C2orf72: variants seen among roughly 807,000 people sequenced by gnomAD.
C2orf72 encodes the protein chromosome 2 open reading frame 72.
C2orf72 carries 16 observed loss-of-function variants against 14.4 expected under a neutral mutation model. The ratio of observed to expected loss-of-function variants is 1.11; its 90% CI spans 0.75 to 1.69. C2orf72 has a LOEUF of 1.69. C2orf72 is among the 40% of genes most tolerant of loss of function. C2orf72 has a pLI of 0.00. For synonymous variants in C2orf72, 168 were observed against 176.8 expected (o/e 0.95, Z 0.40); for missense variants, 371 against 358.3 (o/e 1.04, Z -0.29).
At chr2:231,040,754 G>C (rs1387548319) in intron 1 of C2orf72, among the ~76,000 whole-genome samples, 1 of 152,178 alleles carries the variant, frequency 6.6e-6, no homozygotes, top group African/African-American at 2.4e-5. Context: ...AAAAACTAAG[G>C]ATACAGTCTC....
chr2:231,040,758 CAG>C (rs1693330216), intron 1 of C2orf72, among the ~76,000 whole-genome samples: 1 of 152,232 alleles, frequency 6.6e-6, no homozygotes, highest in East Asian at 1.9e-4. Flanking sequence ...ACTAAGGATA[CAG>C]TCTCTTTACC....
At chr2:231,044,688 T>TG (rs1693387827) in intron 2 of C2orf72, among the ~76,000 whole-genome samples, 1 of 146,150 alleles carries the variant, frequency 6.8e-6, no homozygotes, top group African/African-American at 2.5e-5. Context: ...TTTTTTTTTT[T>TG]GCTAAAAACT....
chr2:231,042,006 T>C (rs758746732), intron 2 of C2orf72, among the ~76,000 whole-genome samples: 20 of 151,688 alleles, frequency 1.3e-4, no homozygotes, highest in Non-Finnish European at 2.8e-4. Flanking sequence ...AGCAGAGAGA[T>C]TGGGGTGTGT....
At chr2:231,041,903 C>T (rs1693347705) in intron 2 of C2orf72, among the ~76,000 whole-genome samples, 5 of 151,982 alleles carry the variant, frequency 3.3e-5, no homozygotes, top group Admixed American at 1.3e-4. Flanking sequence ...CAGAAGGAAA[C>T]CAGTGAGGGC....
chr2:231,045,474 T>C (rs1382664212), intron 2 of C2orf72, among the ~76,000 whole-genome samples: 1 of 151,530 alleles, frequency 6.6e-6, no homozygotes, highest in East Asian at 1.9e-4. Flanking sequence ...ACTACAAGGT[T>C]ACTAGGTGAC....
intron 1 of C2orf72, among the ~76,000 whole-genome samples, chr2:231,040,664 A>G (rs1341071418): frequency 6.6e-6 from 1 of 152,234 alleles, no homozygotes; most frequent in South Asian, 2.1e-4. Context: ...TCTGATGATA[A>G]TTCTTATTCT....
intron 2 of C2orf72, among the ~76,000 whole-genome samples, chr2:231,044,339 T>G (rs1402202991): frequency 6.6e-6 from 1 of 152,248 alleles, no homozygotes; most frequent in Non-Finnish European, 1.5e-5. Flanking sequence ...ACTTTTTTAC[T>G]TTATAAGCTT....
chr2:231,049,197 G>A lies in C2orf72; in HGVS notation c.*2176G>A, dbSNP rs574666982. 1 of 152,072 alleles carries A rather than the reference G, an allele frequency of 6.6e-6. No homozygotes were observed. The highest frequency in any genetic ancestry group is 1.9e-4 in the East Asian group (1 of 5,162). The allele number at this position is 152,072 out of a possible 1,614,324, so 9.4% of individuals were successfully genotyped here. The stretch of plus-strand genomic sequence containing the variant: ...CGTCTGCCCGGTGCTGGTCCAGGCG[G>A]GCATGTGAGTTTGTAGCCTCTGCTC... On this transcript the variant is annotated 3_prime_UTR_variant, in exon 3 of 3. Transcript: ENST00000373640.
chr2:231,041,322 C>T lies in C2orf72; in HGVS notation c.661C>T (p.Leu221Phe). 1 of 1,551,348 alleles carries T rather than the reference C, an allele frequency of 6.4e-7. No individual in the cohort carries two copies. The highest frequency in any genetic ancestry group is 8.7e-7 in the Non-Finnish European group (1 of 1,146,822). The change falls in exon 2 of 3, where the codon CTC becomes TTC. Residue 221 changes from leucine (L) to phenylalanine (F), a missense_variant. This residue lies in a region of C2orf72 where 145 missense variants were observed against 149.4 expected (regional missense o/e 0.97). Coordinates refer to ENST00000373640, the MANE Select transcript of C2orf72 (RefSeq NM_001144994.2). ...GGAAGGAGCCTGGGAGAGGCCAGGC[C>T]TCCCCGGACTGCTAGCCTGCTTTTC... ...PVEGAWERPGLPGLLACFSWG... is the reference protein window; with the variant it reads ...PVEGAWERPGFPGLLACFSWG...
At chr2:231,038,318 G>A in intron 1 of C2orf72, 119 bp downstream of exon 1, 1 of 838,288 alleles carries the variant, frequency 1.2e-6, no homozygotes, top group Non-Finnish European at 1.5e-6. Context: ...GCTCAGAGCA[G>A]GGAGGTGCCT....
At chr2:231,041,232 A>G (rs1693335874) in intron 1 of C2orf72, 64 bp from the exon 2 acceptor site, 1 of 1,176,212 alleles carries the variant, frequency 8.5e-7, no homozygotes, top group Admixed American at 2.8e-5. Flanking sequence ...GCTAAACGAA[A>G]TCTCTCAGTC....
chr2:231,044,473 A>C (rs1559209829), intron 2 of C2orf72, among the ~76,000 whole-genome samples: 1 of 152,182 alleles, frequency 6.6e-6, no homozygotes, highest in African/African-American at 2.4e-5. Context: ...CTGCCATTGC[A>C]CTGCAGCCTG....
At chr2:231,039,233 T>G (rs1693306671) in intron 1 of C2orf72, among the ~76,000 whole-genome samples, 1 of 150,162 alleles carries the variant, frequency 6.7e-6, no homozygotes, top group South Asian at 2.1e-4. Flanking sequence ...AAATGACGAG[T>G]TAATGGGTGC....
intron 2 of C2orf72, among the ~76,000 whole-genome samples, chr2:231,042,238 G>A (rs1184233105): frequency 2.0e-5 from 3 of 152,128 alleles, no homozygotes; most frequent in Non-Finnish European, 4.4e-5. Flanking sequence ...TGTCAATGCT[G>A]ATGTTAGAGA....
At chr2:231,043,692 G>A (rs1273292031) in intron 2 of C2orf72, among the ~76,000 whole-genome samples, 1 of 152,118 alleles carries the variant, frequency 6.6e-6, no homozygotes, top group Admixed American at 6.5e-5. Context: ...ATAAATCTTG[G>A]ATAATTTCTC....
Position 231,037,693 on chromosome 2 carries a change from A to T in C2orf72, c.128A>T (p.Glu43Val). 9.4e-7 allele frequency: 1 copy of T among 1,066,368 alleles called. No homozygotes were observed. The highest frequency in any genetic ancestry group is 1.1e-6 in the Non-Finnish European group (1 of 882,630). 66.1% of individuals were successfully genotyped at this position (1,066,368 alleles called of 1,614,324 possible). The change falls in exon 1 of 3, where the codon GAA (glutamate) becomes GTA (valine). Residue 43 changes from glutamate to valine, a missense_variant. This residue lies in a region of C2orf72 where 214 missense variants were observed against 178.7 expected (regional missense o/e 1.20). Coordinates refer to ENST00000373640, the MANE Select transcript of C2orf72 (RefSeq NM_001144994.2). The stretch of plus-strand genomic sequence containing the variant: ...CTGGTGGGCGAGCTGTGGGAGCGCG[A>T]ACAGAGCCGCGCGCTGCTGCGGGAC... The part of the protein sequence containing the change: ...VLLVGELWER[E>V]QSRALLRDFA...
rs551844605 is a variant in C2orf72 at position 231,041,765 on chromosome 2, C to A, written c.748+356C>A. ...TATCCTAGAGCAAGTGATATTTGATCCGGGGATGGAGGGATTTTCGTAGGC... is the reference window on the plus strand; with the variant it reads ...TATCCTAGAGCAAGTGATATTTGATACGGGGATGGAGGGATTTTCGTAGGC... On this transcript the variant is annotated intron_variant, in intron 2 of 2. Coordinates refer to ENST00000373640, the MANE Select transcript of C2orf72 (RefSeq NM_001144994.2). 2.6e-5 allele frequency among the ~76,000 whole-genome samples: 4 copies of A among 151,926 alleles called. No homozygotes were observed. The East Asian group carries it at 7.8e-4, about 29-fold the overall frequency.
intron 1 of C2orf72, among the ~76,000 whole-genome samples, chr2:231,040,340 A>G (rs1468501745): frequency 1.3e-5 from 2 of 152,228 alleles, no homozygotes; most frequent in Admixed American, 1.3e-4. Flanking sequence ...CCTGCCTGGC[A>G]TGCAGACAGA....
intron 1 of C2orf72, among the ~76,000 whole-genome samples, chr2:231,039,321 TAAAAAA>T (rs11462715): frequency 1.6e-5 from 2 of 126,856 alleles, no homozygotes; most frequent in African/African-American, 6.0e-5. Context: ...CTTAAAGTAT[TAAAAAA>T]AAAAAAAAAA....
Sources: gnomAD v4.1 joint callset for allele counts (sites outside exome capture counted in the v4.1 genomes callset) on GRCh38, gnomAD v4.1.1 for gene constraint, gnomAD v4.1.1 regional missense constraint, MANE v1.5 for transcripts, NCBI Gene and HGNC (gene_info 2026-07-23, HGNC 2026-07-21) for gene names.